WNK2: variants seen among roughly 807,000 people sequenced by gnomAD.
WNK2 encodes the protein serine/threonine-protein kinase WNK2.
In WNK2, 67 loss-of-function variants were observed where a neutral mutation model predicts 192.1. The observed-to-expected ratio is 0.35, with a 90% confidence interval of 0.29 to 0.43. The LOEUF (loss-of-function observed/expected upper bound fraction) is 0.43. Ranked by LOEUF, WNK2 falls within the 20% of genes least tolerant of loss-of-function variation. The pLI is 1.00. For synonymous variants in WNK2, 1,439 were observed against 1,393.9 expected, an observed-to-expected ratio of 1.03 and a Z score of -0.72; for missense variants, 2,698 against 3,089.7, an observed-to-expected ratio of 0.87 and a Z score of 3.01.
intron 23 of WNK2, among the ~76,000 whole-genome samples, chr9:93,293,901 C>CT (rs1427446463): frequency 6.6e-6 from 1 of 152,050 alleles, no homozygotes; most frequent in Non-Finnish European, 1.5e-5. Flanking sequence ...CTGGCACACT[C>CT]TCTCTTCCTA....
intron 29 of WNK2, chr9:93,318,462 G>C (rs372403641): frequency 1.2e-6 from 2 of 1,614,042 alleles, no homozygotes; most frequent in African/African-American, 1.3e-5. Context: ...TGCTTGCTCA[G>C]TAGGGAATGT....
intron 2 of WNK2, among the ~76,000 whole-genome samples, chr9:93,206,564 G>A (rs1352697182): frequency 9.2e-5 from 12 of 129,770 alleles, no homozygotes; most frequent in Admixed American, 6.2e-4. Flanking sequence ...CCTTGGATGG[G>A]ACAACACCAT....
chr9:93,242,330 CAG>C (rs2132342249), intron 7 of WNK2, among the ~76,000 whole-genome samples: 1 of 152,370 alleles, frequency 6.6e-6, no homozygotes, highest in South Asian at 2.1e-4. Context: ...GACCCAGACA[CAG>C]AAGCCTCTGC....
At chr9:93,228,506 A>G (rs1323700570) in intron 2 of WNK2, among the ~76,000 whole-genome samples, 1 of 152,180 alleles carries the variant, frequency 6.6e-6, no homozygotes, top group Non-Finnish European at 1.5e-5. Context: ...TTTCCTTCGG[A>G]AAATACACGT....
intron 3 of WNK2, among the ~76,000 whole-genome samples, chr9:93,230,286 G>A (rs1838534744): frequency 6.6e-6 from 1 of 152,132 alleles, no homozygotes; most frequent in Admixed American, 6.5e-5. Flanking sequence ...GTGCTGCCTG[G>A]TGCTGTATCC....
intron 2 of WNK2, among the ~76,000 whole-genome samples, chr9:93,190,669 C>T (rs1830185354): frequency 6.6e-6 from 1 of 152,274 alleles, no homozygotes; most frequent in African/African-American, 2.4e-5. Context: ...GTGGCAGAAA[C>T]ATCCTGCCTC....
chr9:93,259,822 G>A lies in WNK2; in HGVS notation c.3066+208G>A, dbSNP rs1014679721. Among the ~76,000 whole-genome samples the A allele has an allele frequency of 6.6e-6, 1 of 152,244 alleles. No homozygotes were observed. The highest frequency in any genetic ancestry group is 1.5e-5 in the Non-Finnish European group (1 of 68,046). ...CTTCCGTTTTCCGAATGGGTCAGGA[G>A]ATGCAGGAGTCCGTGCCTGATAGGT... On this transcript the variant is annotated intron_variant, in intron 12 of 29. Transcript: ENST00000427277. The surrounding 1 kb of genome is among the most constrained non-coding windows in gnomAD (Gnocchi z 4.8).
intron 27 of WNK2, 65 bp downstream of exon 27, chr9:93,306,886 A>C (rs952589624): frequency 6.2e-7 from 1 of 1,609,288 alleles, no homozygotes; most frequent in Non-Finnish European, 8.5e-7. Flanking sequence ...TGGCTAGCGC[A>C]CATCAGGGTT....
Position 93,247,653 on chromosome 9 carries a change from G to A in WNK2, c.1653G>A (p.Gln551=), listed in dbSNP as rs766461165. ...WRRERIWPAL[Q]PKEQQDVGSP... ...GGGAGAGGATCTGGCCCGCGCTGCA[G>A]CCCAAGGAGCAGCAGGATGTGGGCA... is the stretch of plus-strand genomic sequence containing the variant. The change falls in exon 8 of 30, where the codon CAG becomes CAA. Residue 551 remains glutamine, a synonymous_variant. Coordinates refer to ENST00000427277, the MANE Select transcript of WNK2 (RefSeq NM_006648.4). This position sits in a 1 kb window ranked among gnomAD's most constrained non-coding sequence, Gnocchi z 5.2. The A allele has an allele frequency of 2.5e-6, 4 of 1,583,216 alleles. No individual in the cohort carries two copies. In the South Asian group the frequency reaches 4.6e-5, roughly 18 times the overall value.
chr9:93,231,067 T>A lies in WNK2; in HGVS notation c.1034T>A (p.Leu345Gln). The change falls in exon 4 of 30, where the codon CTG becomes CAG. Residue 345 changes from leucine (L) to glutamine (Q), a missense_variant. By Grantham distance (113) the Leu-to-Gln change is moderately radical (BLOSUM62 -2). Coordinates refer to ENST00000427277, the MANE Select transcript of WNK2 (RefSeq NM_006648.4). ...TGSVKIGDLG[L>Q]ATLKRASFAK... Reference sequence around the variant, plus strand: ...TCTGTGAAGATTGGCGACTTGGGCCTGGCCACTCTGAAAAGAGCGTCATTT... The same window carrying A: ...TCTGTGAAGATTGGCGACTTGGGCCAGGCCACTCTGAAAAGAGCGTCATTT... 1 of 1,613,976 alleles carries A rather than the reference T, an allele frequency of 6.2e-7. No homozygotes were observed. Among genetic ancestry groups the A allele is most frequent in the Non-Finnish European group, 8.5e-7 (1 of 1,179,880 alleles).
At chr9:93,299,844 C>T (rs891119191) in intron 25 of WNK2, among the ~76,000 whole-genome samples, 9 of 149,960 alleles carry the variant, frequency 6.0e-5, no homozygotes, top group South Asian at 4.3e-4. Flanking sequence ...CCACCCTGCC[C>T]GCCCCTCTCC....
At chr9:93,209,113 GA>G (rs1296658771) in intron 2 of WNK2, among the ~76,000 whole-genome samples, 2 of 151,844 alleles carry the variant, frequency 1.3e-5, no homozygotes, top group Non-Finnish European at 2.9e-5. Flanking sequence ...TGATTTCCTG[GA>G]AAAAAAACAG....
At chr9:93,269,774 C>G (rs1448550147) in intron 19 of WNK2, among the ~76,000 whole-genome samples, 1 of 152,138 alleles carries the variant, frequency 6.6e-6, no homozygotes, top group East Asian at 1.9e-4. Context: ...AAATTAAACC[C>G]TCTTTCCTTC....
At chr9:93,213,685 A>G (rs374655008) in intron 2 of WNK2, among the ~76,000 whole-genome samples, 236 of 152,298 alleles carry the variant, frequency 1.5e-3, no homozygotes, top group Non-Finnish European at 2.9e-3. Context: ...GCTACTCGGG[A>G]GGCTGAGGCA....
At chr9:93,199,057 C>G (rs1587813149) in intron 2 of WNK2, among the ~76,000 whole-genome samples, 1 of 152,238 alleles carries the variant, frequency 6.6e-6, no homozygotes, top group Non-Finnish European at 1.5e-5. Flanking sequence ...CCCACACACC[C>G]TGCATGCCTC....
rs553670856 is a variant in WNK2 at position 93,307,889 on chromosome 9, G to A, written c.6260-439G>A. On this transcript the variant is annotated intron_variant, in intron 27 of 29. Transcript: ENST00000427277. The stretch of plus-strand genomic sequence containing the variant: ...TCTGCACACGGTACTCCACCGCCCC[G>A]CGTCCTCATGTTACGGCTGAGGATG... The A allele has an allele frequency of 8.1e-5, 14 of 172,236 alleles. No individual in the cohort carries two copies. In the East Asian group the frequency reaches 1.4e-3, roughly 17 times the overall value. The allele number at this position is 172,236 out of a possible 1,614,324, so 10.7% of individuals were successfully genotyped here.
At chr9:93,284,179 A>G (rs1297276365) in intron 19 of WNK2, among the ~76,000 whole-genome samples, 1 of 152,256 alleles carries the variant, frequency 6.6e-6, no homozygotes, top group East Asian at 1.9e-4. Flanking sequence ...CAACTCGTCC[A>G]GAGAACAAAG....
At chr9:93,298,097 G>C in intron 24 of WNK2, 30 bp downstream of exon 24, 1 of 1,545,440 alleles carries the variant, frequency 6.5e-7, no homozygotes, top group African/African-American at 1.4e-5. Flanking sequence ...GCTGGGATGG[G>C]AGCGGGGCTG....
intron 5 of WNK2, among the ~76,000 whole-genome samples, chr9:93,237,550 A>C (rs527945705): frequency 6.8e-4 from 104 of 152,192 alleles, no homozygotes; most frequent in Admixed American, 1.6e-3. Context: ...GCTTGTATGT[A>C]TCTGTAAAGA....
Sources: gnomAD v4.1 joint callset for allele counts (sites outside exome capture counted in the v4.1 genomes callset) on GRCh38, gnomAD v4.1.1 for gene constraint, Gnocchi (gnomAD v3.1) non-coding constraint, MANE v1.5 for transcripts, NCBI Gene and HGNC (gene_info 2026-07-23, HGNC 2026-07-21) for gene names.